The following ADGRG3 variants were observed in gnomAD, a reference collection of about 807,000 sequenced individuals.
ADGRG3 encodes the protein adhesion G protein-coupled receptor G3, also known as G protein-coupled receptor 97.
A neutral mutation model predicts 54.3 loss-of-function variants in ADGRG3; 39 were observed. That is an observed-to-expected ratio of 0.72 (90% CI 0.56 to 0.94). The LOEUF is 0.94. ADGRG3 is among the 40% of genes least tolerant of loss of function. The pLI is 0.00. For missense variants in ADGRG3, 654 were observed against 694.6 expected (o/e 0.94, Z 0.66); for synonymous variants, 312 against 290.0 (o/e 1.08, Z -0.77).
At chr16:57,678,858 C>T (rs1405626698) in intron 4 of ADGRG3, 11 of 424,896 alleles carry the variant, frequency 2.6e-5, no homozygotes, top group South Asian at 1.1e-4. Context: ...CTATCCTCCC[C>T]GCTGACTTCC....
At chr16:57,667,153 C>T (rs1354301356), upstream of ADGRG3, among the ~76,000 whole-genome samples, 1 of 152,250 alleles carries the variant, frequency 6.6e-6, no homozygotes, top group Admixed American at 6.5e-5. Flanking sequence ...CCCTCCCTAC[C>T]CCTTCCCAGA....
upstream of ADGRG3, among the ~76,000 whole-genome samples, chr16:57,666,314 G>C (rs2048057167): frequency 6.6e-6 from 1 of 152,202 alleles, no homozygotes; most frequent in Non-Finnish European, 1.5e-5. Flanking sequence ...TCAGGTAGTG[G>C]GGAGGGGTCT....
At chr16:57,667,974 G>A (rs11865184), upstream of ADGRG3, among the ~76,000 whole-genome samples, 4,519 of 152,290 alleles carry the variant, frequency 0.03, 105 homozygotes, top group African/African-American at 0.066. Flanking sequence ...GGTCTGAGTA[G>A]GTGCGCCTGA....
chr16:57,675,361 A>G (rs1296105160), intron 2 of ADGRG3, among the ~76,000 whole-genome samples: 1 of 152,142 alleles, frequency 6.6e-6, no homozygotes, highest in East Asian at 1.9e-4. Flanking sequence ...CAGTGGGTTC[A>G]TGCCTGTAAT....
intron 2 of ADGRG3, among the ~76,000 whole-genome samples, chr16:57,675,649 T>C (rs2048249623): frequency 1.3e-5 from 2 of 152,106 alleles, no homozygotes; most frequent in Admixed American, 1.3e-4. Flanking sequence ...TAAAATGGAA[T>C]ACTGATACAT....
At chr16:57,672,507 C>T (rs2048181017) in intron 1 of ADGRG3, among the ~76,000 whole-genome samples, 2 of 152,298 alleles carry the variant, frequency 1.3e-5, no homozygotes, top group African/African-American at 2.4e-5. Context: ...TATGTATGTC[C>T]TTTATCTCTA....
chr16:57,673,609 C>T, intron 2 of ADGRG3, 141 bp downstream of exon 2: 1 of 735,032 alleles, frequency 1.4e-6, no homozygotes. Context: ...ACACCACAGT[C>T]CCCCTGACCC....
Position 57,676,303 on chromosome 16 carries a change from G to T in ADGRG3, c.310G>T (p.Ala104Ser), listed in dbSNP as rs1464509236. 6.2e-7 allele frequency: 1 copy of T among 1,614,194 alleles called. No individual in the cohort carries two copies. Among genetic ancestry groups the T allele is most frequent in the East Asian group, 2.2e-5 (1 of 44,888 alleles). ...GGTCCAGAACCTCAGCACCAACACT[G>T]CAGAAGACTTCTATTTCTCTCTGGA... ...ALVQNLSTNT[A>S]EDFYFSLEPS... The change falls in exon 3 of 12, where the codon GCA (alanine) becomes TCA (serine). Residue 104 changes from alanine (A) to serine (S), a missense_variant. Ala to Ser is a moderately conservative substitution (Grantham distance 99, BLOSUM62 1). Coordinates refer to ENST00000333493, the MANE Select transcript of ADGRG3 (RefSeq NM_170776.5).
rs2048402141 is a variant in ADGRG3 at position 57,682,977 on chromosome 16, G to A, written c.882-955G>A. Among the ~76,000 whole-genome samples the A allele has an allele frequency of 2.0e-5, 3 of 152,376 alleles. No individual in the cohort carries two copies. The South Asian group carries it at 6.2e-4, about 32-fold the overall frequency. ...AAAGACCCGAGGAGAGAGAGGATGG[G>A]GAGTTACACTATGCTGCTGGGAAAT... On this transcript the variant is annotated intron_variant, in intron 8 of 11. Coordinates refer to ENST00000333493, the MANE Select transcript of ADGRG3 (RefSeq NM_170776.5).
chr16:57,674,674 C>G, intron 2 of ADGRG3: 1 of 411,796 alleles, frequency 2.4e-6, no homozygotes, highest in Admixed American at 2.9e-5. Flanking sequence ...GAATTTAAAA[C>G]AAGTCTCCAA....
intron 1 of ADGRG3, among the ~76,000 whole-genome samples, chr16:57,671,592 C>A (rs768309502): frequency 6.6e-6 from 1 of 152,082 alleles, no homozygotes; most frequent in Non-Finnish European, 1.5e-5. Context: ...ATCTCGGCCT[C>A]CCAAAGTGCT....
In ADGRG3 at chr16:57,676,317, T is replaced by C. The variant is rs56888556; in HGVS notation, c.324T>C (p.Tyr108=). The change falls in exon 3 of 12, where the codon TAT becomes TAC. Residue 108 remains tyrosine (Y), a synonymous_variant. Transcript: ENST00000333493. ...NLSTNTAEDF[Y]FSLEPSQVPR... ...GCACCAACACTGCAGAAGACTTCTA[T>C]TTCTCTCTGGAGCCCTCTCAGGTGA... 4.9e-3 allele frequency: 7,974 copies of C among 1,614,172 alleles called. 267 individuals carry two copies. In the African/African-American group the frequency reaches 0.085, roughly 17 times the overall value.
chr16:57,669,577 G>A (rs952530366), intron 1 of ADGRG3, among the ~76,000 whole-genome samples: 3 of 152,220 alleles, frequency 2.0e-5, no homozygotes, highest in Admixed American at 1.3e-4. Flanking sequence ...GGGTGCTCTG[G>A]TTGGGGCAGA....
In ADGRG3 at chr16:57,680,336, GACC is replaced by G. The variant is rs1446394029; in HGVS notation, c.743_745del (p.His248del). On this transcript the variant is annotated inframe_deletion, in exon 7 of 12. Transcript: ENST00000333493. Reference sequence around the variant, plus strand: ...ACCTGAGGGGACCGTGTGCTGCTGTGACCACCTGACCTTTTTCGCCCTGCTCCT... The same window carrying G: ...ACCTGAGGGGACCGTGTGCTGCTGTGACCTGACCTTTTTCGCCCTGCTCCT... 1 of 1,612,760 alleles carries G rather than the reference GACC, an allele frequency of 6.2e-7. No homozygotes were observed. Among genetic ancestry groups the G allele is most frequent in the Non-Finnish European group, 8.5e-7 (1 of 1,179,666 alleles).
Position 57,673,452 on chromosome 16 carries a change from G to A in ADGRG3, c.190G>A (p.Val64Met). 1.2e-6 allele frequency: 2 copies of A among 1,605,476 alleles called. No homozygotes were observed. Among genetic ancestry groups the A allele is most frequent in the South Asian group, 1.1e-5 (1 of 90,910 alleles). The change falls in exon 2 of 12, where the codon GTG (valine) becomes ATG (methionine). Residue 64 changes from valine (V) to methionine (M), a missense_variant. Coordinates refer to ENST00000333493, the MANE Select transcript of ADGRG3 (RefSeq NM_170776.5). ...CRQSGSDSCN[V>M]ENLQRYWLNY... is the part of the protein sequence containing the mutation. ...GCAGTCGGGCAGCGACTCCTGCAAT[G>A]TGGAAAACTTGCAGAGGTGAGGGGG... is the stretch of plus-strand genomic sequence containing the variant.
intron 1 of ADGRG3, among the ~76,000 whole-genome samples, chr16:57,670,725 CAT>C (rs2048141067): frequency 6.6e-6 from 1 of 152,146 alleles, no homozygotes; most frequent in Non-Finnish European, 1.5e-5. Context: ...CGAATTATCA[CAT>C]ATAGAGTCCA....
intron 11 of ADGRG3, 142 bp from the exon 12 acceptor site, chr16:57,688,210 T>TGAAATGGTTGC (rs2048511753): frequency 1.5e-6 from 1 of 670,602 alleles, no homozygotes; most frequent in African/African-American, 1.8e-5. Flanking sequence ...GAAATGGTTG[T>TGAAATGGTTGC]GAAATGGTTG....
In ADGRG3 at chr16:57,679,186, C is replaced by T. The variant is rs930468525; in HGVS notation, c.502C>T (p.Leu168Phe). 6.2e-7 allele frequency: 1 copy of T among 1,613,872 alleles called. No individual in the cohort carries two copies. Among genetic ancestry groups the T allele is most frequent in the South Asian group, 1.1e-5 (1 of 91,086 alleles). The part of the protein sequence containing the change: ...GPGTLFKGPR[L>F]GLGDGSGVLN... ...ATCTCCCCTTTCACAGGGCCCCCGG[C>T]TCGGCCTGGGAGATGGCAGCGGCGT... The change falls in exon 5 of 12, where the codon CTC becomes TTC. Residue 168 changes from leucine to phenylalanine, a missense_variant. Physicochemically the swap from Leu to Phe is conservative, Grantham distance 22 (BLOSUM62 0). Coordinates refer to ENST00000333493, the MANE Select transcript of ADGRG3 (RefSeq NM_170776.5).
At chr16:57,683,696 A>C (rs551140709) in intron 8 of ADGRG3, among the ~76,000 whole-genome samples, 115 of 152,176 alleles carry the variant, frequency 7.6e-4, no homozygotes, top group Middle Eastern at 3.4e-3. Flanking sequence ...TGATCAAGGG[A>C]TGAGGCTGGC....
Sources: allele counts gnomAD v4.1 joint callset (sites outside exome capture counted in the v4.1 genomes callset), GRCh38; gene constraint gnomAD v4.1.1; transcripts MANE v1.5; gene names NCBI Gene and HGNC (gene_info 2026-07-23, HGNC 2026-07-21).